Variants in SLC22A15 observed in about 807,000 individuals in gnomAD.
The protein encoded by SLC22A15 is flipt 1.
SLC22A15 carries 45 observed loss-of-function variants against 62.7 expected under a neutral mutation model. The ratio of observed to expected loss-of-function variants is 0.72; its 90% CI spans 0.56 to 0.92. The LOEUF is 0.92. SLC22A15 is among the 40% of genes least tolerant of loss of function. SLC22A15 has a pLI of 0.00. For synonymous variants in SLC22A15, 264 were observed against 267.0 expected (o/e 0.99, Z 0.11); for missense variants, 622 against 665.6 (o/e 0.93, Z 0.72).
chr1:116,000,427 T>C (rs2101134389), intron 2 of SLC22A15, among the ~76,000 whole-genome samples: 1 of 152,252 alleles, frequency 6.6e-6, no homozygotes, highest in South Asian at 2.1e-4. Flanking sequence ...TTGTTGTTTC[T>C]ATTTATAACT....
chr1:116,000,353 GCAAA>G (rs777491667), intron 2 of SLC22A15, among the ~76,000 whole-genome samples: 19 of 152,102 alleles, frequency 1.2e-4, no homozygotes, highest in South Asian at 1.2e-3. Flanking sequence ...GCAAAAACAA[GCAAA>G]CAAAGAGAAA....
intron 8 of SLC22A15, among the ~76,000 whole-genome samples, chr1:116,040,287 G>A (rs188013787): frequency 6.6e-6 from 1 of 152,256 alleles, no homozygotes; most frequent in East Asian, 1.9e-4. Context: ...TTCTCCTCTG[G>A]GAGTAATATT....
chr1:116,033,353 T>A (rs1377286392), intron 6 of SLC22A15, among the ~76,000 whole-genome samples: 1 of 152,246 alleles, frequency 6.6e-6, no homozygotes, highest in East Asian at 1.9e-4. Context: ...GCTGTAATTA[T>A]GGATCCCAAT....
chr1:115,992,280 T>C (rs1553216748), intron 2 of SLC22A15, 37 bp downstream of exon 2: 7 of 1,496,094 alleles, frequency 4.7e-6, no homozygotes, highest in Non-Finnish European at 6.4e-6. Flanking sequence ...AATAAATGTC[T>C]CTCTTTGTCC....
rs555502102 is a variant in SLC22A15, at chr1:116,023,909, T to C, written c.599-2984T>C. 2.0e-5 allele frequency among the ~76,000 whole-genome samples: 3 copies of C among 152,326 alleles called. No individual in the cohort carries two copies. In the East Asian group the frequency reaches 5.8e-4, roughly 29 times the overall value. On this transcript the variant is annotated intron_variant, in intron 4 of 11. Transcript: ENST00000369503. ...GCCTTGAAGCAGGAAGGAACTTCTT[T>C]GAAAAGTTTTGAAAACGTTCTCATG...
At chr1:116,028,489 A>G (rs145226769) in intron 5 of SLC22A15, among the ~76,000 whole-genome samples, 4,252 of 143,930 alleles carry the variant, frequency 0.03, 72 homozygotes, top group Middle Eastern at 0.034. Flanking sequence ...GTATAATAGT[A>G]GCACCACTTC....
chr1:116,040,757 C>T (rs539405584), intron 8 of SLC22A15, among the ~76,000 whole-genome samples: 1 of 152,300 alleles, frequency 6.6e-6, no homozygotes, highest in African/African-American at 2.4e-5. Context: ...GCTGGGACTA[C>T]AGGCATGTGC....
intron 9 of SLC22A15, 71 bp from the exon 10 acceptor site, chr1:116,064,365 C>T (rs1416485053): frequency 6.2e-6 from 7 of 1,132,360 alleles, no homozygotes; most frequent in Non-Finnish European, 9.3e-6. Context: ...TCAAGGCCCG[C>T]TGCTGCCCCC....
rs762163201 is a variant in SLC22A15, at chr1:116,067,008, T to C, written c.1555-11T>C. On this transcript the variant is annotated splice_polypyrimidine_tract_variant and intron_variant, in intron 11 of 11. Coordinates refer to ENST00000369503, the MANE Select transcript of SLC22A15 (RefSeq NM_018420.3). Reference sequence around the variant, plus strand: ...ATCATTTCACTGCCCTTTTCTTCTTTCCTGTTTCAGTGTGTGGACAAGGAG... The same window carrying C: ...ATCATTTCACTGCCCTTTTCTTCTTCCCTGTTTCAGTGTGTGGACAAGGAG... The C allele has an allele frequency of 6.2e-7, 1 of 1,606,342 alleles. No individual in the cohort carries two copies. The highest frequency in any genetic ancestry group is 1.7e-5 in the Admixed American group (1 of 59,428).
In SLC22A15 at chr1:116,029,591, A is replaced by G. The variant is rs563369423; in HGVS notation, c.729-1775A>G. Among the ~76,000 whole-genome samples, 5 of 152,342 alleles carry G rather than the reference A, an allele frequency of 3.3e-5. No individual in the cohort carries two copies. In the South Asian group the frequency reaches 1.0e-3, roughly 32 times the overall value. Reference sequence around the variant, plus strand: ...AAGCTTATTGGCCTCTCAAAATGCAAAGAAATATAAGACCGTAAGTTTTCA... The same window carrying G: ...AAGCTTATTGGCCTCTCAAAATGCAGAGAAATATAAGACCGTAAGTTTTCA... On this transcript the variant is annotated intron_variant, in intron 5 of 11. Coordinates refer to ENST00000369503, the MANE Select transcript of SLC22A15 (RefSeq NM_018420.3).
rs771537147 is a variant in SLC22A15, at chr1:116,037,342, A to G, written c.1125A>G (p.Leu375=). The G allele has an allele frequency of 1.9e-6, 3 of 1,613,464 alleles. No homozygotes were observed. Among genetic ancestry groups the G allele is most frequent in the East Asian group, 2.2e-5 (1 of 44,856 alleles). The change falls in exon 8 of 12, where the codon CTA becomes CTG. Residue 375 remains leucine (L), a synonymous_variant. Coordinates refer to ENST00000369503, the MANE Select transcript of SLC22A15 (RefSeq NM_018420.3). The part of the protein sequence containing the change: ...RKRTLSAFLC[L]GGLACLIVMF... Reference sequence around the variant, plus strand: ...GAACATTATCAGCATTTCTGTGCCTAGGAGGACTGGCTTGTCTTATTGTAA... The same window carrying G: ...GAACATTATCAGCATTTCTGTGCCTGGGAGGACTGGCTTGTCTTATTGTAA...
chr1:115,991,213 T>C (rs948148013), intron 1 of SLC22A15, among the ~76,000 whole-genome samples: 1 of 152,214 alleles, frequency 6.6e-6, no homozygotes, highest in African/African-American at 2.4e-5. Context: ...AAGATTGCAA[T>C]AGGGCTTGAC....
chr1:116,046,989 G>T (rs1338434178), intron 8 of SLC22A15, among the ~76,000 whole-genome samples: 2 of 152,096 alleles, frequency 1.3e-5, no homozygotes, highest in Non-Finnish European at 2.9e-5. Flanking sequence ...TCCCCACCCT[G>T]GTAGCTGAAG....
At chr1:116,018,474 C>T (rs185219056) in intron 2 of SLC22A15, among the ~76,000 whole-genome samples, 1 of 152,290 alleles carries the variant, frequency 6.6e-6, no homozygotes, top group African/African-American at 2.4e-5. Flanking sequence ...ACACCATTCT[C>T]CTGCCTCAGC....
At chr1:116,013,774 A>C (rs996435654) in intron 2 of SLC22A15, 21 of 152,206 alleles carry the variant, frequency 1.4e-4, no homozygotes, top group African/African-American at 5.1e-4. Flanking sequence ...GCTTCCTTTA[A>C]AATTTATCTT....
intron 2 of SLC22A15, among the ~76,000 whole-genome samples, chr1:115,996,340 T>G (rs912654442): frequency 2.2e-4 from 34 of 152,204 alleles, no homozygotes; most frequent in African/African-American, 8.0e-4. Context: ...ATTTTGTATA[T>G]ATCTACCGAA....
chr1:115,984,156 A>G (rs943684336), intron 1 of SLC22A15, among the ~76,000 whole-genome samples: 11 of 152,234 alleles, frequency 7.2e-5, no homozygotes, highest in African/African-American at 2.7e-4. Flanking sequence ...AGCAAGGGGT[A>G]CTCAGATGAC....
In SLC22A15 at chr1:116,061,695, A is replaced by AC. The variant is rs1658383164; in HGVS notation, c.1172-1067_1172-1066insC. 3.3e-5 allele frequency among the ~76,000 whole-genome samples: 5 copies of AC among 152,274 alleles called. No homozygotes were observed. The South Asian group carries it at 1.0e-3, about 32-fold the overall frequency. On this transcript the variant is annotated intron_variant, in intron 8 of 11. Coordinates refer to ENST00000369503, the MANE Select transcript of SLC22A15 (RefSeq NM_018420.3). ...GAGGTTAAACTTTTCTAAAAAAAAA[A>AC]AATCATTAAATTGTAGAATCCCAGA... is the stretch of plus-strand genomic sequence containing the variant.
At chr1:116,053,364 A>T (rs1658113963) in intron 8 of SLC22A15, among the ~76,000 whole-genome samples, 1 of 152,184 alleles carries the variant, frequency 6.6e-6, no homozygotes, top group African/African-American at 2.4e-5. Context: ...AAAAAGAATA[A>T]AAAGAAACGA....
Sources: allele counts gnomAD v4.1 joint callset (sites outside exome capture counted in the v4.1 genomes callset), GRCh38; gene constraint gnomAD v4.1.1; transcripts MANE v1.5; gene names NCBI Gene and HGNC (gene_info 2026-07-23, HGNC 2026-07-21).